The following TMEFF2 variants were observed in gnomAD, a reference collection of about 807,000 sequenced individuals.
TMEFF2 encodes transmembrane protein with EGF like and two follistatin like domains 2.
A neutral mutation model predicts 53.8 loss-of-function variants in TMEFF2; 28 were observed. The ratio of observed to expected loss-of-function variants is 0.52; its 90% confidence interval spans 0.39 to 0.71. The LOEUF (loss-of-function observed/expected upper bound fraction) is 0.71, where lower values mean the gene tolerates loss of function less well. Ranked by LOEUF, TMEFF2 falls within the 30% of genes least tolerant of loss-of-function variation. The pLI is 0.00. For synonymous variants in TMEFF2, 162 were observed against 166.3 expected (o/e 0.97, Z 0.20); for missense variants, 353 against 455.2 (o/e 0.78, Z 2.04).
chr2:191,988,378 AAAC>A (rs1686027924), intron 7 of TMEFF2, among the ~76,000 whole-genome samples: 1 of 152,200 alleles, frequency 6.6e-6, no homozygotes, highest in South Asian at 2.1e-4. Flanking sequence ...AGATTATTTC[AAAC>A]AACAGGAAAC....
intron 4 of TMEFF2, among the ~76,000 whole-genome samples, chr2:192,072,473 C>G (rs545565058): frequency 6.6e-6 from 1 of 152,034 alleles, no homozygotes; most frequent in South Asian, 2.1e-4. Flanking sequence ...AAGACACATT[C>G]TGTTTCCTGA....
chr2:192,090,378 T>C (rs1688763804), intron 4 of TMEFF2, among the ~76,000 whole-genome samples: 1 of 152,210 alleles, frequency 6.6e-6, no homozygotes, highest in Non-Finnish European at 1.5e-5. Context: ...GGAAAAAATG[T>C]ACTAGTCCAT....
chr2:192,188,636 G>A (rs1691375928), intron 2 of TMEFF2, among the ~76,000 whole-genome samples: 2 of 152,122 alleles, frequency 1.3e-5, no homozygotes, highest in South Asian at 4.1e-4. Flanking sequence ...TCTAAAGCAC[G>A]ACTTATTAAA....
In TMEFF2 at chr2:192,018,779, A is replaced by C. The variant is rs912701899; in HGVS notation, c.537-19571T>G. 5.3e-5 allele frequency among the ~76,000 whole-genome samples: 8 copies of C among 151,844 alleles called. No homozygotes were observed. In the East Asian group the frequency reaches 1.5e-3, roughly 29 times the overall value. ...GAGAATCTCATGTATTAACTGGCAA[A>C]ATTATAGTTTTTCCATGAAATTAGG... On this transcript the variant is annotated intron_variant, in intron 5 of 9. Coordinates refer to ENST00000272771, the MANE Select transcript of TMEFF2 (RefSeq NM_016192.4).
chr2:192,188,984 C>T (rs542155607), intron 2 of TMEFF2, among the ~76,000 whole-genome samples: 37 of 151,960 alleles, frequency 2.4e-4, no homozygotes, highest in African/African-American at 7.0e-4. Flanking sequence ...CACATGTTTA[C>T]ATATGTAATA....
intron 4 of TMEFF2, among the ~76,000 whole-genome samples, chr2:192,150,509 T>G (rs557136880): frequency 1.8e-4 from 27 of 151,930 alleles, no homozygotes; most frequent in African/African-American, 6.0e-4. Context: ...GGTGGATGCT[T>G]TAGTGCACAA....
Position 192,170,523 on chromosome 2 carries a change from G to A in TMEFF2, c.439+9145C>T, listed in dbSNP as rs572563249. 1.3e-4 allele frequency among the ~76,000 whole-genome samples: 20 copies of A among 151,998 alleles called. 1 individual carries two copies. In the South Asian group the frequency reaches 3.5e-3, roughly 27 times the overall value. On this transcript the variant is annotated intron_variant, in intron 4 of 9. Coordinates refer to ENST00000272771, the MANE Select transcript of TMEFF2 (RefSeq NM_016192.4). ...GTGGCCTTCACCAAAAGAAGGTAAC[G>A]ACAGAATAGCAATCCAGTCAGACAA... is the stretch of plus-strand genomic sequence containing the variant.
intron 7 of TMEFF2, among the ~76,000 whole-genome samples, chr2:191,977,840 A>G (rs1219014437): frequency 1.3e-5 from 2 of 152,214 alleles, no homozygotes; most frequent in Non-Finnish European, 2.9e-5. Context: ...CCTCTTTTCA[A>G]AAATAACTAT....
chr2:192,098,720 G>A (rs1452105662), intron 4 of TMEFF2, among the ~76,000 whole-genome samples: 1 of 152,158 alleles, frequency 6.6e-6, no homozygotes, highest in African/African-American at 2.4e-5. Context: ...TCTCTCCTGG[G>A]TAAAATGGTA....
intron 7 of TMEFF2, among the ~76,000 whole-genome samples, chr2:191,958,687 T>C (rs1009393029): frequency 1.3e-5 from 2 of 152,232 alleles, no homozygotes; most frequent in Non-Finnish European, 2.9e-5. Flanking sequence ...GGGTAGGGAA[T>C]AGTTTCCATT....
intron 4 of TMEFF2, among the ~76,000 whole-genome samples, chr2:192,151,212 G>A (rs1475138803): frequency 1.3e-5 from 2 of 151,876 alleles, no homozygotes; most frequent in Non-Finnish European, 1.5e-5. Context: ...GGAACTGTGA[G>A]TTAATTAAAC....
At chr2:192,034,054 A>AG in intron 5 of TMEFF2, among the ~76,000 whole-genome samples, 1 of 151,914 alleles carries the variant, frequency 6.6e-6, no homozygotes, top group East Asian at 1.9e-4. Context: ...AAGCGCCTGT[A>AG]GTCCCAGCTA....
chr2:192,111,221 G>A (rs762768452), intron 4 of TMEFF2, among the ~76,000 whole-genome samples: 5 of 152,138 alleles, frequency 3.3e-5, no homozygotes, highest in Admixed American at 6.6e-5. Flanking sequence ...GGGCTTAGAA[G>A]AAGATACAAA....
chr2:192,053,441 A>T lies in TMEFF2; in HGVS notation c.536+4238T>A, dbSNP rs142100283. On this transcript the variant is annotated intron_variant, in intron 5 of 9. Coordinates refer to ENST00000272771, the MANE Select transcript of TMEFF2 (RefSeq NM_016192.4). ...GGAAAATGCAAAATATTAACTTATT[A>T]GGCCAGGGTTAAAGAAAGATCAGGA... Among the ~76,000 whole-genome samples, 436 of 145,274 alleles carry T rather than the reference A, an allele frequency of 3.0e-3. 2 individuals carry two copies. The highest frequency in any genetic ancestry group is 0.01 in the African/African-American group (423 of 41,050).
At chr2:192,085,354 G>C (rs941905593) in intron 4 of TMEFF2, among the ~76,000 whole-genome samples, 2 of 152,034 alleles carry the variant, frequency 1.3e-5, no homozygotes, top group African/African-American at 4.8e-5. Context: ...CACATTCGGC[G>C]AGGCCAAAAT....
chr2:191,983,086 A>G (rs1685891835), intron 7 of TMEFF2, among the ~76,000 whole-genome samples: 1 of 152,178 alleles, frequency 6.6e-6, no homozygotes, highest in African/African-American at 2.4e-5. Context: ...GACAGTTTCA[A>G]AAACATCCTA....
At chr2:191,957,098 G>T (rs1324876406) in intron 7 of TMEFF2, among the ~76,000 whole-genome samples, 2 of 152,162 alleles carry the variant, frequency 1.3e-5, no homozygotes, top group African/African-American at 2.4e-5. Context: ...AATAAACGTG[G>T]ATTCTAAAGT....
chr2:192,106,548 C>G (rs1431775586), intron 4 of TMEFF2, among the ~76,000 whole-genome samples: 1 of 151,700 alleles, frequency 6.6e-6, no homozygotes, highest in Non-Finnish European at 1.5e-5. Flanking sequence ...GTGATTTACC[C>G]ATGTGTTAAT....
Position 191,966,072 on chromosome 2 carries a change from A to G in TMEFF2, c.746-9694T>C, listed in dbSNP as rs959686177. ...GATGAATACATAGTTTTTAAAATAAAGGAATGTTTCCCTAGGTTTCTCTAC... is the reference window on the plus strand; with the variant it reads ...GATGAATACATAGTTTTTAAAATAAGGGAATGTTTCCCTAGGTTTCTCTAC... On this transcript the variant is annotated intron_variant, in intron 7 of 9. Transcript: ENST00000272771. Among the ~76,000 whole-genome samples the G allele has an allele frequency of 8.5e-5, 13 of 152,322 alleles. 1 individual carries two copies. Among genetic ancestry groups the G allele is most frequent in the Admixed American group, 7.2e-4 (11 of 15,288 alleles).
Sources: allele counts gnomAD v4.1 joint callset (sites outside exome capture counted in the v4.1 genomes callset), GRCh38; gene constraint gnomAD v4.1.1; transcripts MANE v1.5; gene names NCBI Gene and HGNC (gene_info 2026-07-23, HGNC 2026-07-21).